The following PEMT variants were observed in gnomAD, a reference collection of about 807,000 sequenced individuals.
PEMT encodes phosphatidylethanolamine N-methyltransferase.
Under a neutral mutation model 27.4 loss-of-function variants are expected in PEMT, and 23 were observed. The ratio of observed to expected loss-of-function variants is 0.84; its 90% CI spans 0.60 to 1.19. The LOEUF is 1.19. Ranked by LOEUF, PEMT falls within the 50% of genes most tolerant of loss-of-function variation. PEMT has a pLI of 0.00. For synonymous variants in PEMT, 137 were observed against 139.1 expected, an observed-to-expected ratio of 0.98 and a Z score of 0.11; for missense variants, 307 against 310.1, an observed-to-expected ratio of 0.99 and a Z score of 0.07.
chr17:17,588,254 C>T (rs1912424490), intron 1 of PEMT, among the ~76,000 whole-genome samples: 1 of 152,194 alleles, frequency 6.6e-6, no homozygotes, highest in Non-Finnish European at 1.5e-5. Context: ...ATATAACGGC[C>T]TAATGTTTAT....
At chr17:17,590,678 C>G (rs140286913) in intron 1 of PEMT, among the ~76,000 whole-genome samples, 4 of 152,250 alleles carry the variant, frequency 2.6e-5, no homozygotes, top group East Asian at 3.9e-4. Context: ...ATGAAGGGAG[C>G]GAAAGAACTG....
rs1048951435 is a variant in PEMT, at chr17:17,577,571, G to A, written c.97-544C>T. On this transcript the variant is annotated intron_variant, in intron 1 of 6. Transcript: ENST00000255389. ...CCCGGCCACGCCACCCGCATACGGG[G>A]GGCACGTGGACACTGCCCCCGCCCC... 7 of 972,112 alleles carry A rather than the reference G, an allele frequency of 7.2e-6. No individual in the cohort carries two copies. The Admixed American group carries it at 4.0e-4, about 56-fold the overall frequency. 60.2% of individuals were successfully genotyped at this position (972,112 alleles called of 1,614,324 possible).
At chr17:17,540,774 C>T (rs1017799148) in intron 2 of PEMT, among the ~76,000 whole-genome samples, 3 of 152,202 alleles carry the variant, frequency 2.0e-5, no homozygotes, top group Non-Finnish European at 4.4e-5. Flanking sequence ...GTGACCCCCT[C>T]GCTCCCCCAC....
intron 2 of PEMT, among the ~76,000 whole-genome samples, chr17:17,525,700 T>C (rs1055053667): frequency 6.6e-6 from 1 of 152,076 alleles, no homozygotes; most frequent in Non-Finnish European, 1.5e-5. Context: ...AAGCTTCAGA[T>C]AAACAACAAC....
chr17:17,576,422 T>C (rs1911592481), intron 2 of PEMT, among the ~76,000 whole-genome samples: 1 of 152,148 alleles, frequency 6.6e-6, no homozygotes, highest in Non-Finnish European at 1.5e-5. Flanking sequence ...CCAGCTCGCC[T>C]AGGTCCGGAA....
intron 2 of PEMT, among the ~76,000 whole-genome samples, chr17:17,559,316 C>G (rs11654777): frequency 0.11 from 17,348 of 152,298 alleles, 1,641 homozygotes; most frequent in African/African-American, 0.26. Context: ...GTGAGATCAA[C>G]ACCACTGTAC....
intron 3 of PEMT, among the ~76,000 whole-genome samples, chr17:17,521,884 C>T (rs1360144997): frequency 2.6e-5 from 4 of 152,106 alleles, no homozygotes; most frequent in Non-Finnish European, 5.9e-5. Flanking sequence ...AGCTTTCTGA[C>T]GCTGATTCAA....
intron 5 of PEMT, chr17:17,506,980 C>T: frequency 1.6e-6 from 1 of 624,860 alleles, no homozygotes; most frequent in East Asian, 2.8e-5. Flanking sequence ...CCAGGCAGAG[C>T]ATACAGCAGG....
At chr17:17,529,355 T>C (rs1362485371) in intron 2 of PEMT, among the ~76,000 whole-genome samples, 6 of 152,184 alleles carry the variant, frequency 3.9e-5, no homozygotes, top group Non-Finnish European at 7.4e-5. Context: ...ATAGGACCAG[T>C]GGCAGCTCAG....
rs116929634 is a variant in PEMT at position 17,576,203 on chromosome 17, G to A, written c.204+717C>T. ...AAGAGCTTCACCCCACAGTCTGGGA[G>A]GTGTGGGAGGCATCTCAGAAAGGCT... On this transcript the variant is annotated intron_variant, in intron 2 of 6. Coordinates refer to ENST00000255389, the MANE Select transcript of PEMT (RefSeq NM_148172.3). Among the ~76,000 whole-genome samples, 98 of 152,228 alleles carry A rather than the reference G, an allele frequency of 6.4e-4. 1 individual carries two copies. Among genetic ancestry groups the A allele is most frequent in the South Asian group, 2.1e-3 (10 of 4,816 alleles).
intron 2 of PEMT, among the ~76,000 whole-genome samples, chr17:17,544,035 AGGACTGGCAGCTTAGAG>A (rs1172885816): frequency 6.6e-6 from 1 of 151,474 alleles, no homozygotes; most frequent in African/African-American, 2.4e-5. Context: ...TGCCTCCTAT[AGGACTGGCAGCTTAGAG>A]GGCAGACGTG....
At chr17:17,531,757 C>T (rs11078388) in intron 2 of PEMT, among the ~76,000 whole-genome samples, 52,173 of 150,932 alleles carry the variant, frequency 0.35, 10,471 homozygotes, top group Non-Finnish European at 0.47. Context: ...ATATATAAAG[C>T]CTTCTAAAAC....
chr17:17,511,774 G>A (rs1458657905), intron 4 of PEMT, among the ~76,000 whole-genome samples: 7 of 152,062 alleles, frequency 4.6e-5, no homozygotes, highest in South Asian at 2.1e-4. Context: ...TCCAGGTTCC[G>A]AAGGCCCCCT....
intron 3 of PEMT, among the ~76,000 whole-genome samples, chr17:17,517,399 G>A (rs1906922172): frequency 1.3e-5 from 2 of 152,040 alleles, no homozygotes; most frequent in Non-Finnish European, 1.5e-5. Context: ...GCCATGGAAC[G>A]CTGCACACGC....
intron 2 of PEMT, among the ~76,000 whole-genome samples, chr17:17,537,756 T>C (rs1376447427): frequency 6.6e-6 from 1 of 152,238 alleles, no homozygotes; most frequent in African/African-American, 2.4e-5. Context: ...TCCAGCAGTA[T>C]GACCTGTGCC....
At chr17:17,519,267 G>A (rs1385432492) in intron 3 of PEMT, among the ~76,000 whole-genome samples, 1 of 151,984 alleles carries the variant, frequency 6.6e-6, no homozygotes. Flanking sequence ...AGAGAGTGAG[G>A]ACCAGGGCAC....
upstream of PEMT, chr17:17,591,818 G>C: frequency 7.1e-7 from 1 of 1,406,310 alleles, no homozygotes; most frequent in Non-Finnish European, 9.2e-7. Context: ...TCGCGACAGC[G>C]TCTAGAGGAG....
chr17:17,514,550 G>A (rs1045998996), intron 3 of PEMT, among the ~76,000 whole-genome samples: 19 of 152,210 alleles, frequency 1.2e-4, no homozygotes, highest in African/African-American at 4.1e-4. Flanking sequence ...ACCCACTGCC[G>A]GTCATGCTGC....
chr17:17,527,874 C>T (rs1907794074), intron 2 of PEMT, among the ~76,000 whole-genome samples: 1 of 152,224 alleles, frequency 6.6e-6, no homozygotes, highest in African/African-American at 2.4e-5. Flanking sequence ...GATGGACTCT[C>T]AGAAGCTCCT....
Sources: allele counts gnomAD v4.1 joint callset (sites outside exome capture counted in the v4.1 genomes callset), GRCh38; gene constraint gnomAD v4.1.1; transcripts MANE v1.5; gene names NCBI Gene and HGNC (gene_info 2026-07-23, HGNC 2026-07-21).